Variants in PHLPP2 observed in about 807,000 individuals in gnomAD.
The protein encoded by PHLPP2 is PH domain leucine-rich repeat-containing protein phosphatase 2.
In PHLPP2, 66 loss-of-function variants were observed where a neutral mutation model predicts 124.9. The observed-to-expected ratio is 0.53, with a 90% confidence interval of 0.43 to 0.65. The LOEUF (loss-of-function observed/expected upper bound fraction) is 0.65. Ranked by LOEUF, PHLPP2 falls within the 30% of genes least tolerant of loss-of-function variation. PHLPP2 has a pLI of 0.00. For synonymous variants in PHLPP2, 681 were observed against 624.7 expected, an observed-to-expected ratio of 1.09 and a Z score of -1.34; for missense variants, 1,685 against 1,600.4, an observed-to-expected ratio of 1.05 and a Z score of -0.90.
chr16:71,714,365 A>T, intron 2 of PHLPP2, 147 bp downstream of exon 2: 2 of 1,050,678 alleles, frequency 1.9e-6, no homozygotes, highest in East Asian at 5.6e-5. Context: ...TCATAAAGTC[A>T]GCCTTCCAAG....
At chr16:71,657,057 C>T (rs2044748127) in intron 15 of PHLPP2, among the ~76,000 whole-genome samples, 4 of 152,066 alleles carry the variant, frequency 2.6e-5, no homozygotes, top group Admixed American at 2.6e-4. Flanking sequence ...ATTCTCCTGC[C>T]TCAACCTCCC....
chr16:71,666,049 T>C (rs1260054573), intron 12 of PHLPP2: 1 of 152,196 alleles, frequency 6.6e-6, no homozygotes, highest in African/African-American at 2.4e-5. Context: ...ACAATATTGC[T>C]TTCTCCACGT....
intron 6 of PHLPP2, among the ~76,000 whole-genome samples, chr16:71,680,664 T>C (rs1408332013): frequency 6.6e-6 from 1 of 152,192 alleles, no homozygotes; most frequent in Admixed American, 6.5e-5. Context: ...ATGATGATGA[T>C]CTATCACCTA....
chr16:71,658,521 G>C (rs1423090709), intron 14 of PHLPP2, 132 bp downstream of exon 14: 1 of 1,202,098 alleles, frequency 8.3e-7, no homozygotes, highest in African/African-American at 1.5e-5. Flanking sequence ...CACATAAGAA[G>C]ACAATAATAT....
chr16:71,696,353 G>A (rs962723546), intron 3 of PHLPP2, among the ~76,000 whole-genome samples: 2 of 152,080 alleles, frequency 1.3e-5, no homozygotes, highest in Non-Finnish European at 2.9e-5. Flanking sequence ...AATTTTAAAT[G>A]TGGCCGGGCG....
At chr16:71,709,214 T>C (rs750494928) in intron 2 of PHLPP2, among the ~76,000 whole-genome samples, 1 of 152,170 alleles carries the variant, frequency 6.6e-6, no homozygotes, top group Non-Finnish European at 1.5e-5. Context: ...GGTAATCAGT[T>C]CAGTATGTAT....
chr16:71,711,471 T>C (rs1360072673), intron 2 of PHLPP2, among the ~76,000 whole-genome samples: 1 of 152,110 alleles, frequency 6.6e-6, no homozygotes, highest in Admixed American at 6.5e-5. Context: ...ATAATGTTAC[T>C]ATGGGGAGGC....
intron 10 of PHLPP2, 56 bp from the exon 11 acceptor site, chr16:71,669,426 T>A: frequency 8.0e-7 from 1 of 1,250,420 alleles, no homozygotes; most frequent in African/African-American, 1.5e-5. Context: ...GGAACTCATT[T>A]CAGTAGGCTA....
At chr16:71,708,166 CTGTTT>C (rs1162663750) in intron 2 of PHLPP2, among the ~76,000 whole-genome samples, 1 of 152,150 alleles carries the variant, frequency 6.6e-6, no homozygotes, top group Non-Finnish European at 1.5e-5. Context: ...TACTCCACCA[CTGTTT>C]TGTTTTGTGT....
chr16:71,647,754 C>A lies in PHLPP2; in HGVS notation c.*1136G>T. 1 of 152,190 alleles carries A rather than the reference C, an allele frequency of 6.6e-6. No homozygotes were observed. The highest frequency in any genetic ancestry group is 1.9e-4 in the East Asian group (1 of 5,200). 9.4% of individuals were successfully genotyped at this position (152,190 alleles called of 1,614,324 possible). ...CAAGGGGTAATTCTCTTTTTCTGAT[C>A]TAGGGAGAAGTAGTCTAGGTCCTCA... On this transcript the variant is annotated 3_prime_UTR_variant, in exon 19 of 19. Coordinates refer to ENST00000568954, the MANE Select transcript of PHLPP2 (RefSeq NM_015020.3).
chr16:71,699,889 G>GCT (rs1388489314), intron 3 of PHLPP2, among the ~76,000 whole-genome samples: 1 of 152,136 alleles, frequency 6.6e-6, no homozygotes, highest in Non-Finnish European at 1.5e-5. Flanking sequence ...TCCTGCACTC[G>GCT]CTCTCCTATG....
chr16:71,691,778 A>G (rs1046577724), intron 3 of PHLPP2, among the ~76,000 whole-genome samples: 3 of 152,096 alleles, frequency 2.0e-5, no homozygotes, highest in African/African-American at 7.2e-5. Flanking sequence ...AAAACAGCAC[A>G]TAATAACAGA....
intron 18 of PHLPP2, 100 bp downstream of exon 18, chr16:71,652,690 A>G: frequency 1.2e-6 from 1 of 800,060 alleles, no homozygotes; most frequent in Non-Finnish European, 2.1e-6. Context: ...GATACAATTT[A>G]CAGGGCATGA....
At chr16:71,670,975 C>A (rs1009267080) in intron 10 of PHLPP2, among the ~76,000 whole-genome samples, 62 of 152,040 alleles carry the variant, frequency 4.1e-4, no homozygotes, top group African/African-American at 1.4e-3. Flanking sequence ...ATGGAGGAGA[C>A]TGGGGAGGGG....
chr16:71,707,525 G>A (rs113708233), intron 2 of PHLPP2, among the ~76,000 whole-genome samples: 9 of 152,262 alleles, frequency 5.9e-5, no homozygotes, highest in African/African-American at 2.2e-4. Flanking sequence ...AGCACAGGGG[G>A]CTGGAGACTG....
intron 13 of PHLPP2, among the ~76,000 whole-genome samples, chr16:71,660,053 AATAT>A (rs1423734589): frequency 4.6e-5 from 7 of 152,094 alleles, no homozygotes; most frequent in African/African-American, 1.4e-4. Context: ...TGATAAAAAT[AATAT>A]ATACTCACTG....
chr16:71,658,876 C>G, intron 13 of PHLPP2, 61 bp from the exon 14 acceptor site: 1 of 1,497,908 alleles, frequency 6.7e-7, no homozygotes, highest in Non-Finnish European at 9.2e-7. Flanking sequence ...CAAGGAAGTG[C>G]TATTCTACAG....
intron 11 of PHLPP2, among the ~76,000 whole-genome samples, chr16:71,668,460 G>A (rs1047977007): frequency 2.3e-4 from 32 of 138,918 alleles, no homozygotes; most frequent in Non-Finnish European, 4.2e-4. Context: ...AGGCTCTGGA[G>A]TAAAAACGAC....
At position 71,655,346 on chromosome 16, in the gene PHLPP2, GCTC is replaced by G; in HGVS notation, c.2476_2478del (p.Glu826del). 1 of 1,613,778 alleles carries G rather than the reference GCTC, an allele frequency of 6.2e-7. No individual in the cohort carries two copies. The highest frequency in any genetic ancestry group is 8.5e-7 in the Non-Finnish European group (1 of 1,179,722). On this transcript the variant is annotated inframe_deletion, in exon 17 of 19. Transcript: ENST00000568954. ...ATCGTACACTGCAGCAGGCGCGGGA[GCTC>G]CTCATTTCGGTCTCCATCAAACATG...
Sources: gnomAD v4.1 joint callset for allele counts (sites outside exome capture counted in the v4.1 genomes callset) on GRCh38, gnomAD v4.1.1 for gene constraint, MANE v1.5 for transcripts, NCBI Gene and HGNC (gene_info 2026-07-23, HGNC 2026-07-21) for gene names.